The following GREB1 variants were observed in gnomAD, a reference collection of about 807,000 sequenced individuals.
GREB1 encodes the protein growth regulating estrogen receptor binding 1.
Under a neutral mutation model 200.7 loss-of-function variants are expected in GREB1, and 106 were observed. The ratio of observed to expected loss-of-function variants is 0.53; its 90% CI spans 0.45 to 0.62. The LOEUF (loss-of-function observed/expected upper bound fraction) is 0.62. Ranked by LOEUF, GREB1 falls within the 20% of genes least tolerant of loss-of-function variation. The pLI, the probability that GREB1 is intolerant of heterozygous loss-of-function variation, is 0.00. For missense variants in GREB1, 2,243 were observed against 2,556.8 expected, an observed-to-expected ratio of 0.88 and a Z score of 2.65; for synonymous variants, 1,132 against 1,092.4, an observed-to-expected ratio of 1.04 and a Z score of -0.72.
rs573179916 is a variant in GREB1, at chr2:11,612,677, A to G, written c.3122+67A>G. 1.1e-4 allele frequency: 111 copies of G among 982,800 alleles called. No homozygotes were observed. The African/African-American group carries it at 1.6e-3, about 14-fold the overall frequency. 60.9% of individuals were successfully genotyped at this position (982,800 alleles called of 1,614,324 possible). Reference sequence around the variant, plus strand: ...GGCTGCCTGGGCCCCCTCAAGGAGCATGTCAGGGGGGCTGCTGTGCCCTGA... The same window carrying G: ...GGCTGCCTGGGCCCCCTCAAGGAGCGTGTCAGGGGGGCTGCTGTGCCCTGA... On this transcript the variant is annotated intron_variant, in intron 19 of 32. Coordinates refer to ENST00000381486, the MANE Select transcript of GREB1 (RefSeq NM_014668.4).
chr2:11,588,809 A>G lies in GREB1; in HGVS notation c.1223A>G (p.Tyr408Cys). 3 of 1,614,136 alleles carry G rather than the reference A, an allele frequency of 1.9e-6. No homozygotes were observed. The highest frequency in any genetic ancestry group is 2.7e-5 in the African/African-American group (2 of 75,028). ...GACGTCGTGGTCAGCCCCCTCTTGT[A>G]CACGTGCTACCAGAATTCCCAGTCT... ...LNDVVVSPLL[Y>C]TCYQNSQSVS... Residue 408 changes from tyrosine (Y) to cysteine (C), a missense_variant, in exon 10 of 33, where the codon TAC (tyrosine) becomes TGC (cysteine). Coordinates refer to ENST00000381486, the MANE Select transcript of GREB1 (RefSeq NM_014668.4).
intron 1 of GREB1, among the ~76,000 whole-genome samples, chr2:11,536,981 A>G (rs1245514420): frequency 2.0e-5 from 3 of 152,022 alleles, no homozygotes; most frequent in Admixed American, 1.3e-4. Flanking sequence ...TTTTTCTTTG[A>G]GATGGAGTTT....
At chr2:11,614,177 A>T (rs1572925229) in intron 19 of GREB1, among the ~76,000 whole-genome samples, 1 of 140,304 alleles carries the variant, frequency 7.1e-6, no homozygotes, top group Admixed American at 7.9e-5. Context: ...CCCAGGCTGG[A>T]GTGCAGTGGT....
chr2:11,507,418 A>AC (rs1558489346), intron 1 of GREB1, among the ~76,000 whole-genome samples: 1 of 150,754 alleles, frequency 6.6e-6, no homozygotes. Context: ...AAAAAAAAAA[A>AC]CCATAAACCG....
Position 11,548,715 on chromosome 2 carries a change from CCTT to C in GREB1, c.-161-7736_-161-7734del, listed in dbSNP as rs930428914. On this transcript the variant is annotated intron_variant, in intron 1 of 32. Coordinates refer to ENST00000381486, the MANE Select transcript of GREB1 (RefSeq NM_014668.4). This position sits in a 1 kb window ranked among gnomAD's most constrained non-coding sequence, Gnocchi z 5.1. The stretch of plus-strand genomic sequence containing the variant: ...CATCATCACCTTGTGAGTCCCCTCT[CCTT>C]CTACCCTCTGTTGGATCCCCCATCC... 4.4e-4 allele frequency among the ~76,000 whole-genome samples: 67 copies of C among 152,222 alleles called. No individual in the cohort carries two copies. Among genetic ancestry groups the C allele is most frequent in the African/African-American group, 1.5e-3 (64 of 41,520 alleles).
intron 1 of GREB1, among the ~76,000 whole-genome samples, chr2:11,547,103 C>T (rs908809809): frequency 3.9e-5 from 6 of 152,060 alleles, no homozygotes; most frequent in African/African-American, 1.4e-4. Context: ...CCACCACGCC[C>T]AGCTATGTTT....
At chr2:11,638,943 C>G in intron 32 of GREB1, 134 bp downstream of exon 32, 1 of 878,904 alleles carries the variant, frequency 1.1e-6, no homozygotes, top group Non-Finnish European at 1.7e-6. Context: ...AAGTGACTGC[C>G]TCAGCCACCC....
rs377014043 is a variant in GREB1, at chr2:11,562,472, G to A, written c.167G>A (p.Arg56Gln). Reference sequence around the variant, plus strand: ...TTCTTCCCGCATCTAGGTGGTAGCCGAGTGGACAATGAGGAAGAGGAAGAA... The same window carrying A: ...TTCTTCCCGCATCTAGGTGGTAGCCAAGTGGACAATGAGGAAGAGGAAGAA... ...QQLAALEGGS[R>Q]VDNEEEEEEG... The change falls in exon 3 of 33, where the codon CGA becomes CAA. Residue 56 changes from arginine to glutamine, a missense_variant. Physicochemically the swap from Arg to Gln is conservative, Grantham distance 43. Coordinates refer to ENST00000381486, the MANE Select transcript of GREB1 (RefSeq NM_014668.4). 1.4e-5 allele frequency: 23 copies of A among 1,612,096 alleles called. No individual in the cohort carries two copies. Among genetic ancestry groups the A allele is most frequent in the African/African-American group, 8.0e-5 (6 of 74,672 alleles).
At chr2:11,571,131 G>GT (rs1328009284) in intron 4 of GREB1, among the ~76,000 whole-genome samples, 3 of 152,008 alleles carry the variant, frequency 2.0e-5, no homozygotes, top group African/African-American at 4.8e-5. Context: ...CCCAGGTTTT[G>GT]TTTTTTCTTT....
chr2:11,496,017 G>A (rs951452975), intron 1 of GREB1, among the ~76,000 whole-genome samples: 12 of 152,112 alleles, frequency 7.9e-5, no homozygotes, highest in African/African-American at 2.4e-4. Flanking sequence ...TCCAAAAAGC[G>A]GCACGGCTGG....
At chr2:11,596,081 A>T in intron 12 of GREB1, 30 bp from the exon 13 acceptor site, 1 of 1,600,396 alleles carries the variant, frequency 6.2e-7, no homozygotes, top group Non-Finnish European at 8.5e-7. Context: ...CTGACATCAA[A>T]AACCCATTTG....
intron 1 of GREB1, among the ~76,000 whole-genome samples, chr2:11,499,611 T>C (rs1672976508): frequency 6.6e-6 from 1 of 152,276 alleles, no homozygotes; most frequent in South Asian, 2.1e-4. Context: ...CTGATGAAAG[T>C]AATTAAAAAT....
At chr2:11,639,583 G>A (rs979321021) in intron 32 of GREB1, among the ~76,000 whole-genome samples, 2 of 152,180 alleles carry the variant, frequency 1.3e-5, no homozygotes, top group Admixed American at 6.5e-5. Flanking sequence ...TTGAAAACAC[G>A]ATTTCCAGTC....
chr2:11,612,245 C>G (rs1053647019), intron 18 of GREB1: 3 of 900,870 alleles, frequency 3.3e-6, no homozygotes, highest in Non-Finnish European at 4.2e-6. Flanking sequence ...GACTTCCTTT[C>G]ACGGAGCTGG....
intron 1 of GREB1, among the ~76,000 whole-genome samples, chr2:11,537,165 T>C (rs1213235301): frequency 1.3e-5 from 2 of 152,172 alleles, no homozygotes; most frequent in Non-Finnish European, 2.9e-5. Context: ...GGTTTCACCA[T>C]GTTGGCTAGG....
Position 11,585,293 on chromosome 2 carries a change from G to A in GREB1, c.1015+19G>A. The A allele has an allele frequency of 1.4e-6, 2 of 1,445,108 alleles. No homozygotes were observed. Among genetic ancestry groups the A allele is most frequent in the Non-Finnish European group, 1.9e-6 (2 of 1,073,486 alleles). 89.5% of individuals were successfully genotyped at this position (1,445,108 alleles called of 1,614,324 possible). A position where few individuals can be genotyped will look rare whatever the true frequency, so the allele number is the denominator to read the frequency against. ...AAGTATGGTAAGTGATGGCAGCCTT[G>A]CCCAGAATTCCAGACTTGGGTACTG... is the stretch of plus-strand genomic sequence containing the variant. On this transcript the variant is annotated intron_variant, in intron 8 of 32. Transcript: ENST00000381486.
intron 19 of GREB1, among the ~76,000 whole-genome samples, chr2:11,613,023 G>T (rs1047023570): frequency 6.6e-6 from 1 of 152,092 alleles, no homozygotes; most frequent in Non-Finnish European, 1.5e-5. Flanking sequence ...CTAGGCTGCC[G>T]CAATGCCTGG....
intron 6 of GREB1, among the ~76,000 whole-genome samples, chr2:11,579,602 G>A (rs997642195): frequency 2.0e-5 from 3 of 152,158 alleles, no homozygotes; most frequent in Admixed American, 2.0e-4. Flanking sequence ...GCATAGGGAG[G>A]TTAAGTAAGT....
chr2:11,607,595 T>TATATACATATATATACATATAGATAC (rs1553373777), intron 17 of GREB1, among the ~76,000 whole-genome samples: 35 of 136,476 alleles, frequency 2.6e-4, no homozygotes, highest in Admixed American at 7.2e-4. Flanking sequence ...CATATATACA[T>TATATACATATATATACATATAGATAC]ATATATACAT....
Sources: gnomAD v4.1 joint callset for allele counts (sites outside exome capture counted in the v4.1 genomes callset) on GRCh38, gnomAD v4.1.1 for gene constraint, Gnocchi (gnomAD v3.1) non-coding constraint, MANE v1.5 for transcripts, NCBI Gene and HGNC (gene_info 2026-07-23, HGNC 2026-07-21) for gene names.